KCTD20: variants seen among roughly 807,000 people sequenced by gnomAD.
KCTD20 encodes the protein BTB/POZ domain-containing protein KCTD20.
Under a neutral mutation model 39.6 loss-of-function variants are expected in KCTD20, and 30 were observed. The observed-to-expected ratio is 0.76, with a 90% CI of 0.57 to 1.03. The LOEUF is 1.03. KCTD20 is among the 50% of genes least tolerant of loss of function. KCTD20 has a pLI of 0.00. For synonymous variants in KCTD20, 162 were observed against 180.6 expected (o/e 0.90, Z 0.83); for missense variants, 422 against 522.0 (o/e 0.81, Z 1.87).
At chr6:36,445,313 A>T (rs147772883) in intron 1 of KCTD20, among the ~76,000 whole-genome samples, 2 of 151,728 alleles carry the variant, frequency 1.3e-5, no homozygotes, top group East Asian at 3.9e-4. Context: ...TAACTTTGGT[A>T]AGGACAATAA....
rs775133245 is a variant in KCTD20, at chr6:36,486,957, C to T, written c.1042C>T (p.Arg348Cys). The change falls in exon 8 of 8, where the codon CGC (arginine) becomes TGC (cysteine). Residue 348 changes from arginine (R) to cysteine (C), a missense_variant. Physicochemically the swap from Arg to Cys is radical, Grantham distance 180. Transcript: ENST00000373731. ...RSEVIYNYVQ[R>C]PFIQMSWEKE... ...TGAAGTCATCTATAATTATGTACAA[C>T]GCCCCTTCATCCAGATGTCATGGGA... 8 of 1,614,166 alleles carry T rather than the reference C, an allele frequency of 5.0e-6. No individual in the cohort carries two copies. The highest frequency in any genetic ancestry group is 2.2e-5 in the East Asian group (1 of 44,882).
At chr6:36,465,561 G>GA (rs1775726497) in intron 1 of KCTD20, 1 of 151,882 alleles carries the variant, frequency 6.6e-6, no homozygotes, top group Admixed American at 6.6e-5. Flanking sequence ...TCATACTCAA[G>GA]ATGATTGTTC....
intron 1 of KCTD20, chr6:36,443,473 G>C (rs894694928): frequency 6.6e-6 from 1 of 152,184 alleles, no homozygotes; most frequent in Admixed American, 6.5e-5. Flanking sequence ...AGTGTTGACT[G>C]GCAAAACATT....
chr6:36,472,128 G>A (rs1293861853), intron 2 of KCTD20, among the ~76,000 whole-genome samples: 1 of 152,196 alleles, frequency 6.6e-6, no homozygotes, highest in African/African-American at 2.4e-5. Flanking sequence ...GACTACAGGC[G>A]TGAGCCACGG....
chr6:36,471,211 T>A (rs1482851509), intron 2 of KCTD20, among the ~76,000 whole-genome samples: 2 of 151,888 alleles, frequency 1.3e-5, no homozygotes, highest in Non-Finnish European at 2.9e-5. Flanking sequence ...AATTAATAGA[T>A]GTGAAAGATC....
intron 7 of KCTD20, 22 bp downstream of exon 7, chr6:36,484,846 C>T: frequency 3.2e-6 from 4 of 1,253,388 alleles, no homozygotes; most frequent in Non-Finnish European, 4.7e-6. Context: ...AAAAAAATCC[C>T]AGTCAACATT....
chr6:36,456,573 C>T (rs1239280836), intron 1 of KCTD20, among the ~76,000 whole-genome samples: 2 of 145,164 alleles, frequency 1.4e-5, no homozygotes, highest in Admixed American at 1.4e-4. Flanking sequence ...GCCACCACGC[C>T]CAGGCTTTTT....
At chr6:36,461,421 G>A (rs1227273211) in intron 1 of KCTD20, among the ~76,000 whole-genome samples, 1 of 152,126 alleles carries the variant, frequency 6.6e-6, no homozygotes, top group Non-Finnish European at 1.5e-5. Context: ...GCCAAATTTA[G>A]GGGATTCATG....
chr6:36,477,576 G>A (rs939593439), intron 3 of KCTD20, among the ~76,000 whole-genome samples: 1 of 150,530 alleles, frequency 6.6e-6, no homozygotes, highest in South Asian at 2.1e-4. Flanking sequence ...TGCCTCCCGG[G>A]TTCAGCCATT....
At chr6:36,483,181 A>T (rs2127456041) in intron 6 of KCTD20, among the ~76,000 whole-genome samples, 1 of 151,116 alleles carries the variant, frequency 6.6e-6, no homozygotes, top group East Asian at 1.9e-4. Flanking sequence ...ATTATCCTCC[A>T]TAAAATTTGT....
At chr6:36,484,127 G>A (rs141942140) in intron 6 of KCTD20, among the ~76,000 whole-genome samples, 111 of 151,960 alleles carry the variant, frequency 7.3e-4, no homozygotes, top group Middle Eastern at 6.8e-3. Flanking sequence ...GTAGAGACGG[G>A]GTTTCACCAT....
chr6:36,469,342 G>A lies in KCTD20; in HGVS notation c.-46-710G>A, dbSNP rs1457275302. Among the ~76,000 whole-genome samples the A allele has an allele frequency of 6.6e-6, 1 of 152,182 alleles. No individual in the cohort carries two copies. The highest frequency in any genetic ancestry group is 1.5e-5 in the Non-Finnish European group (1 of 68,032). On this transcript the variant is annotated intron_variant, in intron 1 of 7. Transcript: ENST00000373731. This position sits in a 1 kb window ranked among gnomAD's most constrained non-coding sequence, Gnocchi z 4.6. Reference sequence around the variant, plus strand: ...TGAGGCCCCCTGTGTGGCTGCTGTGGCATCTCCATCCTGCCTCATCACTGG... The same window carrying A: ...TGAGGCCCCCTGTGTGGCTGCTGTGACATCTCCATCCTGCCTCATCACTGG...
At position 36,479,148 on chromosome 6, in the gene KCTD20, C is replaced by G; in HGVS notation, c.462C>G (p.Asn154Lys). The change falls in exon 4 of 8, where the codon AAC becomes AAG. Residue 154 changes from asparagine to lysine, a missense_variant. Transcript: ENST00000373731. ...TGTTTGGACCAGGAAGAGAGTACAA[C>G]TTCACTCGGCCCAATGAGAAGGGAG... ...GRMFGPGREY[N>K]FTRPNEKGEY... 1 of 1,613,554 alleles carries G rather than the reference C, an allele frequency of 6.2e-7. No individual in the cohort carries two copies. Among genetic ancestry groups the G allele is most frequent in the Admixed American group, 1.7e-5 (1 of 59,980 alleles).
At position 36,487,424 on chromosome 6, in the gene KCTD20, G is replaced by A; in HGVS notation, c.*249G>A. The A allele has an allele frequency of 2.0e-6, 1 of 497,448 alleles. No homozygotes were observed. The allele number at this position is 497,448 out of a possible 1,614,324, so 30.8% of individuals were successfully genotyped here. A position where few individuals can be genotyped will look rare whatever the true frequency, so the allele number is the denominator to read the frequency against. ...GTAACTTGAAAAATTTGGGTCTGGT[G>A]CTGTTCATTGAGTCTTTGTGTAACT... is the stretch of plus-strand genomic sequence containing the variant. On this transcript the variant is annotated 3_prime_UTR_variant, in exon 8 of 8. Coordinates refer to ENST00000373731, the MANE Select transcript of KCTD20 (RefSeq NM_173562.5).
At position 36,479,712 on chromosome 6, in the gene KCTD20, G is replaced by A; in HGVS notation, c.658+1G>A. On this transcript the variant is annotated splice_donor_variant, in intron 5 of 7. Coordinates refer to ENST00000373731, the MANE Select transcript of KCTD20 (RefSeq NM_173562.5). LOFTEE classifies it high-confidence loss of function. ...AACACTATCCGATGTCAAGATCTGA[G>A]TAAGTACAGGAGCAGGTGCCAGCTG... The A allele has an allele frequency of 6.5e-7, 1 of 1,539,496 alleles. No individual in the cohort carries two copies. Among genetic ancestry groups the A allele is most frequent in the East Asian group, 2.5e-5 (1 of 39,662 alleles).
At chr6:36,461,275 T>C (rs368881120) in intron 1 of KCTD20, among the ~76,000 whole-genome samples, 3 of 152,330 alleles carry the variant, frequency 2.0e-5, no homozygotes, top group East Asian at 1.9e-4. Flanking sequence ...ACTATACTTA[T>C]AAGTTTAATT....
chr6:36,470,035 A>C lies in KCTD20; in HGVS notation c.-46-17A>C. On this transcript the variant is annotated splice_polypyrimidine_tract_variant and intron_variant, in intron 1 of 7. Coordinates refer to ENST00000373731, the MANE Select transcript of KCTD20 (RefSeq NM_173562.5). ...CTGTTTTGTGAGTTCTAAATCATGC[A>C]TATTCCTGTGTTCCAGGATTTCTCT... The C allele has an allele frequency of 1.4e-6, 2 of 1,409,782 alleles. No individual in the cohort carries two copies. The highest frequency in any genetic ancestry group is 1.9e-6 in the Non-Finnish European group (2 of 1,045,562). 87.3% of individuals were successfully genotyped at this position (1,409,782 alleles called of 1,614,324 possible).
Position 36,484,757 on chromosome 6 carries a change from G to A in KCTD20, c.900G>A (p.Glu300=), listed in dbSNP as rs1776365643. The A allele has an allele frequency of 1.2e-6, 2 of 1,605,404 alleles. No individual in the cohort carries two copies. The highest frequency in any genetic ancestry group is 8.5e-7 in the Non-Finnish European group (1 of 1,175,620). ...SKLYRFFKYI[E]NRDVAKTVLK... The stretch of plus-strand genomic sequence containing the variant: ...TCTACAGATTCTTCAAATATATTGA[G>A]AATAGGGATGTTGCAAAAACAGTGT... The change falls in exon 7 of 8, where the codon GAG becomes GAA. Residue 300 remains glutamate (E), a synonymous_variant. Transcript: ENST00000373731.
rs775478739 is a variant in KCTD20 at position 36,487,103 on chromosome 6, A to C, written c.1188A>C (p.Pro396=). 3 of 1,613,970 alleles carry C rather than the reference A, an allele frequency of 1.9e-6. No homozygotes were observed. Among genetic ancestry groups the C allele is most frequent in the Non-Finnish European group, 2.5e-6 (3 of 1,179,984 alleles). ...LEDQEILMHH[P]PQVDELDRLN... Reference sequence around the variant, plus strand: ...ACCAGGAGATATTAATGCATCACCCACCCCAAGTGGATGAACTTGACCGGC... The same window carrying C: ...ACCAGGAGATATTAATGCATCACCCCCCCCAAGTGGATGAACTTGACCGGC... The change falls in exon 8 of 8, where the codon CCA becomes CCC. Residue 396 remains proline, a synonymous_variant. Coordinates refer to ENST00000373731, the MANE Select transcript of KCTD20 (RefSeq NM_173562.5).
Sources: gnomAD v4.1 joint callset for allele counts (sites outside exome capture counted in the v4.1 genomes callset) on GRCh38, gnomAD v4.1.1 for gene constraint, Gnocchi (gnomAD v3.1) non-coding constraint, MANE v1.5 for transcripts, NCBI Gene and HGNC (gene_info 2026-07-23, HGNC 2026-07-21) for gene names.